SORCS3: variants seen among roughly 807,000 people sequenced by gnomAD.
SORCS3 encodes the protein sortilin related VPS10 domain containing receptor 3, also known as VPS10 domain-containing receptor SorCS3.
A neutral mutation model predicts 146.3 loss-of-function variants in SORCS3; 57 were observed. The ratio of observed to expected loss-of-function variants is 0.39; its 90% confidence interval spans 0.31 to 0.49. The LOEUF (loss-of-function observed/expected upper bound fraction) is 0.49. Ranked by LOEUF, SORCS3 falls within the 20% of genes least tolerant of loss-of-function variation. The pLI, the probability that SORCS3 is intolerant of heterozygous loss-of-function variation, is 0.92. For synonymous variants in SORCS3, 653 were observed against 618.5 expected (o/e 1.06, Z -0.83); for missense variants, 1,341 against 1,575.5 (o/e 0.85, Z 2.52).
At chr10:105,253,428 T>C (rs569154840) in intron 23 of SORCS3, among the ~76,000 whole-genome samples, 1 of 152,302 alleles carries the variant, frequency 6.6e-6, no homozygotes, top group East Asian at 1.9e-4. Context: ...AAGCAACATT[T>C]CCAAAAGGGA....
chr10:105,163,300 T>G (rs924131088), intron 11 of SORCS3, among the ~76,000 whole-genome samples: 1 of 152,198 alleles, frequency 6.6e-6, no homozygotes. Context: ...TGCTCCTATT[T>G]AGGCTACAGA....
intron 4 of SORCS3, among the ~76,000 whole-genome samples, chr10:105,035,566 C>G (rs1180692424): frequency 6.6e-6 from 1 of 151,362 alleles, no homozygotes; most frequent in African/African-American, 2.4e-5. Context: ...CTCCCAGATT[C>G]AAGTGATTCT....
At chr10:104,866,758 G>A (rs1055917921) in intron 2 of SORCS3, among the ~76,000 whole-genome samples, 5 of 152,092 alleles carry the variant, frequency 3.3e-5, no homozygotes, top group African/African-American at 1.2e-4. Context: ...AATACTGGTG[G>A]AGTTCATATT....
intron 19 of SORCS3, among the ~76,000 whole-genome samples, chr10:105,217,634 G>C (rs1317941785): frequency 6.6e-6 from 1 of 152,188 alleles, no homozygotes; most frequent in East Asian, 1.9e-4. Context: ...CAAGGTTACT[G>C]CAAGTTCATT....
intron 7 of SORCS3, among the ~76,000 whole-genome samples, chr10:105,116,730 T>C (rs1328169359): frequency 1.3e-5 from 2 of 152,152 alleles, no homozygotes; most frequent in East Asian, 3.9e-4. Flanking sequence ...TTATGTCCTT[T>C]GCAGCAACAT....
chr10:104,860,099 G>A (rs1327348762), intron 2 of SORCS3, among the ~76,000 whole-genome samples: 15 of 123,274 alleles, frequency 1.2e-4, no homozygotes, highest in African/African-American at 3.2e-4. Context: ...AAATCATGCT[G>A]CTATAAAGAC....
intron 1 of SORCS3, among the ~76,000 whole-genome samples, chr10:104,770,284 A>G (rs2017232926): frequency 6.6e-6 from 1 of 152,202 alleles, no homozygotes; most frequent in African/African-American, 2.4e-5. Context: ...GGGAAACCTC[A>G]TAGAGATGGA....
intron 20 of SORCS3, among the ~76,000 whole-genome samples, chr10:105,225,094 A>G (rs1589696838): frequency 1.3e-5 from 2 of 152,202 alleles, no homozygotes; most frequent in East Asian, 3.9e-4. Flanking sequence ...AAGGAAGTCC[A>G]GCTTATCAGT....
chr10:105,164,488 A>G, intron 12 of SORCS3, 109 bp downstream of exon 12: 1 of 857,332 alleles, frequency 1.2e-6, no homozygotes, highest in Non-Finnish European at 1.9e-6. Context: ...TAATTTCAAA[A>G]CATTTGAAGC....
chr10:104,813,771 A>T (rs566947392), intron 1 of SORCS3, among the ~76,000 whole-genome samples: 4 of 152,168 alleles, frequency 2.6e-5, no homozygotes, highest in Non-Finnish European at 4.4e-5. Context: ...TGAAATGAAA[A>T]TAGTAACCAG....
intron 5 of SORCS3, among the ~76,000 whole-genome samples, chr10:105,079,598 G>A (rs945854717): frequency 9.9e-5 from 15 of 152,050 alleles, no homozygotes; most frequent in African/African-American, 3.6e-4. Context: ...TGGTTCAGGG[G>A]TACATGTGCA....
At chr10:105,252,715 T>C in intron 22 of SORCS3, 60 bp from the exon 23 acceptor site, 1 of 1,607,708 alleles carries the variant, frequency 6.2e-7, no homozygotes, top group Middle Eastern at 1.7e-4. Flanking sequence ...TCTGCTCTTG[T>C]CATTGATTTG....
intron 3 of SORCS3, among the ~76,000 whole-genome samples, chr10:104,925,716 C>T (rs1281014995): frequency 6.6e-6 from 1 of 152,118 alleles, no homozygotes; most frequent in Admixed American, 6.5e-5. Flanking sequence ...GGTAAAGTGT[C>T]CCAAAACTGA....
chr10:105,152,155 A>G (rs1322497235), intron 9 of SORCS3, among the ~76,000 whole-genome samples: 1 of 152,124 alleles, frequency 6.6e-6, no homozygotes, highest in Non-Finnish European at 1.5e-5. Context: ...GGTGTGATAC[A>G]TTTTCTTCAA....
At chr10:104,773,035 G>T (rs2017270221) in intron 1 of SORCS3, among the ~76,000 whole-genome samples, 1 of 152,182 alleles carries the variant, frequency 6.6e-6, no homozygotes, top group Non-Finnish European at 1.5e-5. Flanking sequence ...TACTGTGGGG[G>T]TATCTCATGG....
Position 104,696,153 on chromosome 10 carries a change from T to TATATACACATATAATATATAATATATATC in SORCS3, c.627+54242_627+54270dup, listed in dbSNP as rs1564660968. On this transcript the variant is annotated intron_variant, in intron 1 of 26. Coordinates refer to ENST00000369701, the MANE Select transcript of SORCS3 (RefSeq NM_014978.3). ...TCATATACACATATTATATATAATA[T>TATATACACATATAATATATAATATATATC]ATATACACATATAATATATAATATA... 3.3e-3 allele frequency among the ~76,000 whole-genome samples: 296 copies of TATATACACATATAATATATAATATATATC among 88,698 alleles called. 66 individuals are homozygous for TATATACACATATAATATATAATATATATC. The highest frequency in any genetic ancestry group is 5.0e-3 in the African/African-American group (109 of 21,778). The allele number at this position is 88,698 out of a possible 152,430, so 58.2% of individuals were successfully genotyped here. A position where few individuals can be genotyped will look rare whatever the true frequency, so the allele number is the denominator to read the frequency against.
chr10:105,252,747 G>C (rs369745992), intron 22 of SORCS3, 28 bp from the exon 23 acceptor site: 44 of 1,613,172 alleles, frequency 2.7e-5, no homozygotes, highest in Non-Finnish European at 3.7e-5. Context: ...CTCCTCCACA[G>C]CCTCTCTTTG....
intron 2 of SORCS3, among the ~76,000 whole-genome samples, chr10:104,904,220 G>A (rs577205886): frequency 1.4e-4 from 21 of 152,264 alleles, no homozygotes; most frequent in South Asian, 4.1e-4. Context: ...ACACTTTGGC[G>A]TCAATGTGTA....
chr10:105,200,235 G>A (rs938931937), intron 15 of SORCS3, 119 bp downstream of exon 15: 3 of 748,380 alleles, frequency 4.0e-6, no homozygotes, highest in Admixed American at 2.3e-5. Context: ...ATCTGAGGAT[G>A]TGGGTGTGGA....
Sources: gnomAD v4.1 joint callset for allele counts (sites outside exome capture counted in the v4.1 genomes callset) on GRCh38, gnomAD v4.1.1 for gene constraint, MANE v1.5 for transcripts, NCBI Gene and HGNC (gene_info 2026-07-23, HGNC 2026-07-21) for gene names.